The following CRAMP1 variants were observed in gnomAD, a reference collection of about 807,000 sequenced individuals.
CRAMP1 encodes protein cramped-like.
A neutral mutation model predicts 115.4 loss-of-function variants in CRAMP1; 50 were observed. The ratio of observed to expected loss-of-function variants is 0.43; its 90% CI spans 0.35 to 0.55. The LOEUF is 0.55. Among genes scored for constraint, CRAMP1 ranks in the 20% least tolerant of loss-of-function variants. The pLI, the probability that CRAMP1 is intolerant of heterozygous loss-of-function variation, is 0.01. For synonymous variants in CRAMP1, 866 were observed against 745.4 expected, an observed-to-expected ratio of 1.16 and a Z score of -2.64; for missense variants, 1,679 against 1,721.7, an observed-to-expected ratio of 0.98 and a Z score of 0.44.
chr16:1,648,402 A>C (rs1255387802), intron 6 of CRAMP1, among the ~76,000 whole-genome samples: 2 of 151,794 alleles, frequency 1.3e-5, no homozygotes. Context: ...TGAGGTTAGG[A>C]GTTCCAGCCT....
At chr16:1,615,990 T>G (rs2036415628) in intron 2 of CRAMP1, among the ~76,000 whole-genome samples, 1 of 152,202 alleles carries the variant, frequency 6.6e-6, no homozygotes, top group African/African-American at 2.4e-5. Flanking sequence ...GTGCCACATG[T>G]GTTCCATTAA....
Position 1,656,744 on chromosome 16 carries a change from G to A in CRAMP1, c.1987G>A (p.Glu663Lys). The change falls in exon 10 of 21, where the codon GAG becomes AAG. Residue 663 changes from glutamate to lysine, a missense_variant. By Grantham distance (56) the Glu-to-Lys change is moderately conservative (BLOSUM62 1). Around this residue, in one of 8 missense-constraint regions of CRAMP1, gnomAD observed 405 missense variants for 302.6 expected, o/e 1.34. Transcript: ENST00000397412. This position sits in a 1 kb window ranked among gnomAD's most constrained non-coding sequence, Gnocchi z 5.6. ...QGQPAARPPKEVPASRLAQQL... is the reference protein window; with the variant it reads ...QGQPAARPPKKVPASRLAQQL... ...ACAGCCTGCCGCCAGGCCCCCGAAG[G>A]AGGTCCCCGCCAGCCGGCTGGCTCA... is the stretch of plus-strand genomic sequence containing the variant. 1.3e-6 allele frequency: 2 copies of A among 1,549,622 alleles called. No homozygotes were observed. Among genetic ancestry groups the A allele is most frequent in the Non-Finnish European group, 1.7e-6 (2 of 1,146,434 alleles).
At position 1,614,877 on chromosome 16, in the gene CRAMP1, C is replaced by A; in HGVS notation, c.238C>A (p.His80Asn). The change falls in exon 2 of 21, where the codon CAC becomes AAC. Residue 80 changes from histidine (H) to asparagine (N), a missense_variant. By Grantham distance (68) the His-to-Asn change is moderately conservative. Coordinates refer to ENST00000397412, the MANE Select transcript of CRAMP1 (RefSeq NM_020825.4). This position sits in a 1 kb window ranked among gnomAD's most constrained non-coding sequence, Gnocchi z 4.4. The stretch of plus-strand genomic sequence containing the variant: ...GCCGCAGGGCAGCCCCCAGGACCAG[C>A]ACCACTTCCTCCGGTCCAGCGTGCG... The part of the protein sequence containing the change: ...SPPQGSPQDQ[H>N]HFLRSSVRPQ... 1 of 1,331,350 alleles carries A rather than the reference C, an allele frequency of 7.5e-7. No individual in the cohort carries two copies. The highest frequency in any genetic ancestry group is 2.3e-5 in the South Asian group (1 of 42,558). The allele number at this position is 1,331,350 out of a possible 1,614,324, so 82.5% of individuals were successfully genotyped here.
At position 1,669,279 on chromosome 16, in the gene CRAMP1, G is replaced by A. The variant is rs1337132822; in HGVS notation, c.3499+114G>A. On this transcript the variant is annotated intron_variant, in intron 19 of 20. Transcript: ENST00000397412. This position sits in a 1 kb window ranked among gnomAD's most constrained non-coding sequence, Gnocchi z 4.6. The stretch of plus-strand genomic sequence containing the variant: ...TCCCACTAGGACTGTTGGCTTGTTC[G>A]CTTCTCAAGTGTTTGTATTTTTCTG... 4 of 787,384 alleles carry A rather than the reference G, an allele frequency of 5.1e-6. No homozygotes were observed. The highest frequency in any genetic ancestry group is 3.1e-5 in the East Asian group (1 of 32,372). 48.8% of individuals were successfully genotyped at this position (787,384 alleles called of 1,614,324 possible). A position where few individuals can be genotyped will look rare whatever the true frequency, so the allele number is the denominator to read the frequency against.
intron 1 of CRAMP1, among the ~76,000 whole-genome samples, chr16:1,613,734 C>T (rs988127859): frequency 1.3e-5 from 2 of 152,148 alleles, no homozygotes; most frequent in Non-Finnish European, 2.9e-5. Context: ...GTTTTAACAC[C>T]ATTGTCTTCT....
intron 6 of CRAMP1, among the ~76,000 whole-genome samples, chr16:1,643,129 G>T (rs947481544): frequency 1.3e-5 from 2 of 152,182 alleles, no homozygotes; most frequent in Non-Finnish European, 2.9e-5. Flanking sequence ...ACAACTCGGG[G>T]GGCTTTGATT....
At position 1,676,001 on chromosome 16, in the gene CRAMP1, A is replaced by G. The variant is rs1028615133; in HGVS notation, c.*1956A>G. On this transcript the variant is annotated 3_prime_UTR_variant, in exon 21 of 21. Coordinates refer to ENST00000397412, the MANE Select transcript of CRAMP1 (RefSeq NM_020825.4). ...TTTGCTGCGTCTCTAGAGGGTTAGGATACCAGGCCGAGTTCAGGCCACTGC... is the reference window on the plus strand; with the variant it reads ...TTTGCTGCGTCTCTAGAGGGTTAGGGTACCAGGCCGAGTTCAGGCCACTGC... The G allele has an allele frequency of 2.0e-5, 3 of 152,190 alleles. No homozygotes were observed. Among genetic ancestry groups the G allele is most frequent in the Admixed American group, 2.0e-4 (3 of 15,282 alleles). The allele number at this position is 152,190 out of a possible 1,614,324, so 9.4% of individuals were successfully genotyped here.
At chr16:1,623,181 A>G (rs1329329925) in intron 2 of CRAMP1, among the ~76,000 whole-genome samples, 1 of 152,184 alleles carries the variant, frequency 6.6e-6, no homozygotes, top group South Asian at 2.1e-4. Flanking sequence ...TCCTCTACTG[A>G]GGATGTGTCA....
At chr16:1,665,271 C>T (rs2036864747) in intron 14 of CRAMP1, 133 bp downstream of exon 14, 1 of 689,788 alleles carries the variant, frequency 1.4e-6, no homozygotes, top group Admixed American at 2.1e-5. Flanking sequence ...CGACAAATAC[C>T]TAATGTGCCC....
At chr16:1,650,921 G>C (rs1249187159) in intron 6 of CRAMP1, among the ~76,000 whole-genome samples, 1 of 152,224 alleles carries the variant, frequency 6.6e-6, no homozygotes, top group Non-Finnish European at 1.5e-5. Context: ...TCTTGACTGG[G>C]GTCCACTCCT....
At position 1,675,061 on chromosome 16, in the gene CRAMP1, G is replaced by A. The variant is rs1018792803; in HGVS notation, c.*1016G>A. 1.3e-5 allele frequency: 2 copies of A among 152,266 alleles called. No individual in the cohort carries two copies. The highest frequency in any genetic ancestry group is 4.8e-5 in the African/African-American group (2 of 41,450). The allele number at this position is 152,266 out of a possible 1,614,324, so 9.4% of individuals were successfully genotyped here. ...CGTGTTCAGTCCCTTGCATACCTTT[G>A]CCTTGAGACTTCTGTGTCTCCTTCC... On this transcript the variant is annotated 3_prime_UTR_variant, in exon 21 of 21. Transcript: ENST00000397412.
At chr16:1,626,947 C>T (rs2036513162) in intron 3 of CRAMP1, among the ~76,000 whole-genome samples, 1 of 152,212 alleles carries the variant, frequency 6.6e-6, no homozygotes, top group Admixed American at 6.5e-5. Context: ...TGAAGAGCTG[C>T]ACCAGACAGG....
In CRAMP1 at chr16:1,628,963, G is replaced by T. The variant is rs550681568; in HGVS notation, c.540+2797G>T. On this transcript the variant is annotated intron_variant, in intron 3 of 20. Transcript: ENST00000397412. ...ATTCGCGCCCGTCCAGTTATGGCCC[G>T]TCCAGACTTCTCCCTCTGGCAGGGC... is the stretch of plus-strand genomic sequence containing the variant. Among the ~76,000 whole-genome samples the T allele has an allele frequency of 5.9e-5, 9 of 152,316 alleles. No homozygotes were observed. The South Asian group carries it at 1.5e-3, about 25-fold the overall frequency.
rs201437183 is a variant in CRAMP1, at chr16:1,662,699, G to C, written c.2595+28G>C. ...GAGTGTGTGGGGCCGGGCCGCCCGCGTGCGAGCGTCCCCGTGGTCTGGAGA... is the reference window on the plus strand; with the variant it reads ...GAGTGTGTGGGGCCGGGCCGCCCGCCTGCGAGCGTCCCCGTGGTCTGGAGA... On this transcript the variant is annotated intron_variant, in intron 12 of 20. Transcript: ENST00000397412. The C allele has an allele frequency of 2.9e-5, 47 of 1,613,612 alleles. 1 individual carries two copies. In the South Asian group the frequency reaches 4.6e-4, roughly 16 times the overall value.
chr16:1,654,140 C>T (rs1013500691), intron 8 of CRAMP1, among the ~76,000 whole-genome samples: 9 of 142,756 alleles, frequency 6.3e-5, no homozygotes, highest in Admixed American at 1.4e-4. Flanking sequence ...AAGATTCCAT[C>T]TCAAAAAAAA....
At chr16:1,649,252 G>A (rs2036702545) in intron 6 of CRAMP1, among the ~76,000 whole-genome samples, 1 of 152,056 alleles carries the variant, frequency 6.6e-6, no homozygotes, top group Non-Finnish European at 1.5e-5. Context: ...TCCTGTGTTT[G>A]ATTCCCAGCA....
In CRAMP1 at chr16:1,656,413, G is replaced by A; in HGVS notation, c.1656G>A (p.Glu552=). ...CCTGTGGCCAGCTCCCAGACCTGGAGGACGAGCTCTCGCTTCTAGACCCCT... is the reference window on the plus strand; with the variant it reads ...CCTGTGGCCAGCTCCCAGACCTGGAAGACGAGCTCTCGCTTCTAGACCCCT... ...PCACGQLPDL[E]DELSLLDPLP... is the part of the protein sequence containing the mutation. The change falls in exon 10 of 21, where the codon GAG becomes GAA. Residue 552 remains glutamate (E), a synonymous_variant. Transcript: ENST00000397412. The surrounding 1 kb of genome is among the most constrained non-coding windows in gnomAD (Gnocchi z 5.6). 6.3e-7 allele frequency: 1 copy of A among 1,590,148 alleles called. No individual in the cohort carries two copies. The highest frequency in any genetic ancestry group is 1.1e-5 in the South Asian group (1 of 87,812).
intron 4 of CRAMP1, among the ~76,000 whole-genome samples, chr16:1,634,922 A>G (rs543182846): frequency 2.8e-4 from 42 of 152,226 alleles, no homozygotes; most frequent in Non-Finnish European, 5.1e-4. Context: ...TTTTTGAGCC[A>G]GAGTCTTGCT....
Position 1,624,192 on chromosome 16 carries a change from G to C in CRAMP1, c.347-1781G>C, listed in dbSNP as rs192663915. On this transcript the variant is annotated intron_variant, in intron 2 of 20. Coordinates refer to ENST00000397412, the MANE Select transcript of CRAMP1 (RefSeq NM_020825.4). ...TTTTAAGCCTGAGTCTCACTCTGTT[G>C]CCCAGACTGGTGTGCAATGGCACGA... 4.0e-4 allele frequency among the ~76,000 whole-genome samples: 58 copies of C among 145,576 alleles called. No homozygotes were observed. The East Asian group carries it at 0.012, about 29-fold the overall frequency.
Sources: allele counts gnomAD v4.1 joint callset (sites outside exome capture counted in the v4.1 genomes callset), GRCh38; gene constraint gnomAD v4.1.1; regional missense constraint gnomAD v4.1.1; non-coding constraint Gnocchi (gnomAD v3.1); transcripts MANE v1.5; gene names NCBI Gene and HGNC (gene_info 2026-07-23, HGNC 2026-07-21).